The following ROBO1 variants were observed in gnomAD, a reference collection of about 807,000 sequenced individuals.
ROBO1 encodes the protein roundabout guidance receptor 1, also known as roundabout homolog 1.
ROBO1 carries 149 observed loss-of-function variants against 195.9 expected under a neutral mutation model. That is an observed-to-expected ratio of 0.76 (90% CI 0.67 to 0.87). The LOEUF is 0.87. ROBO1 is among the 40% of genes least tolerant of loss of function. ROBO1 has a pLI of 0.00. For missense variants in ROBO1, 1,933 were observed against 2,068.3 expected (o/e 0.93, Z 1.27); for synonymous variants, 816 against 733.2 (o/e 1.11, Z -1.82).
chr3:78,835,853 C>CT (rs2032664264), intron 4 of ROBO1, among the ~76,000 whole-genome samples: 1 of 152,122 alleles, frequency 6.6e-6, no homozygotes, highest in South Asian at 2.1e-4. Context: ...ATTAATGGTA[C>CT]TGTTAGGGCT....
chr3:79,019,917 C>G (rs147396533), intron 3 of ROBO1, among the ~76,000 whole-genome samples: 1 of 152,186 alleles, frequency 6.6e-6, no homozygotes, highest in African/African-American at 2.4e-5. Context: ...AAACAGAGAA[C>G]TATCCAGAAC....
intron 3 of ROBO1, among the ~76,000 whole-genome samples, chr3:78,967,983 C>G (rs754724494): frequency 1.3e-5 from 2 of 152,054 alleles, no homozygotes; most frequent in Non-Finnish European, 1.5e-5. Context: ...GAGATTAGAA[C>G]GGCAAACAAA....
At chr3:79,505,370 A>G (rs985694670) in intron 2 of ROBO1, among the ~76,000 whole-genome samples, 21 of 152,294 alleles carry the variant, frequency 1.4e-4, no homozygotes, top group African/African-American at 4.8e-4. Context: ...TAAATTGCCA[A>G]ATTGCGACAA....
At chr3:78,939,927 C>G (rs2040043454) in intron 3 of ROBO1, among the ~76,000 whole-genome samples, 1 of 151,998 alleles carries the variant, frequency 6.6e-6, no homozygotes, top group African/African-American at 2.4e-5. Flanking sequence ...CCCTGAGTGT[C>G]TATGTCACTT....
At chr3:79,468,996 T>C (rs1938120733) in intron 2 of ROBO1, among the ~76,000 whole-genome samples, 1 of 152,142 alleles carries the variant, frequency 6.6e-6, no homozygotes, top group Non-Finnish European at 1.5e-5. Flanking sequence ...CATAAAAAAA[T>C]GTATTTGGCA....
At chr3:78,821,161 ATTTT>A (rs71631622) in intron 4 of ROBO1, among the ~76,000 whole-genome samples, 2 of 122,212 alleles carry the variant, frequency 1.6e-5, no homozygotes, top group East Asian at 4.6e-4. Context: ...TATGATACTG[ATTTT>A]TTTTTTTTTT....
chr3:78,801,919 T>G (rs1250727498), intron 4 of ROBO1, among the ~76,000 whole-genome samples: 3 of 152,156 alleles, frequency 2.0e-5, no homozygotes, highest in Admixed American at 6.5e-5. Flanking sequence ...TAGGGCTTGT[T>G]GTCCCTGTAG....
chr3:79,322,787 G>T (rs980494446), intron 2 of ROBO1, among the ~76,000 whole-genome samples: 14 of 152,222 alleles, frequency 9.2e-5, no homozygotes, highest in African/African-American at 3.4e-4. Context: ...TTTCAGGAAT[G>T]AAGAAATGGA....
chr3:79,671,139 T>A (rs929901455), intron 1 of ROBO1, among the ~76,000 whole-genome samples: 5 of 151,840 alleles, frequency 3.3e-5, no homozygotes, highest in African/African-American at 1.2e-4. Flanking sequence ...ATACAATGTT[T>A]AAGAGTTACC....
At position 79,458,389 on chromosome 3, in the gene ROBO1, A is replaced by G. The variant is rs532472133; in HGVS notation, c.88+131435T>C. ...TGTTTTCTACTTCTTATGAAACACA[A>G]TGCTTTCTCCCCAGCATGTCTTGTT... On this transcript the variant is annotated intron_variant, in intron 2 of 30. Transcript: ENST00000464233. 8.5e-5 allele frequency among the ~76,000 whole-genome samples: 13 copies of G among 152,292 alleles called. No individual in the cohort carries two copies. The South Asian group carries it at 2.7e-3, about 32-fold the overall frequency.
chr3:79,333,203 T>C (rs2034522539), intron 2 of ROBO1, among the ~76,000 whole-genome samples: 1 of 141,678 alleles, frequency 7.1e-6, no homozygotes, highest in Non-Finnish European at 1.5e-5. Flanking sequence ...TGAGACTCTG[T>C]CTAAAAAAAA....
intron 3 of ROBO1, among the ~76,000 whole-genome samples, chr3:79,001,847 T>C (rs191707356): frequency 1.3e-5 from 2 of 152,272 alleles, no homozygotes; most frequent in Admixed American, 1.3e-4. Context: ...AAATAATCAA[T>C]ATTAAGGATA....
chr3:79,054,887 C>T (rs781124807), intron 3 of ROBO1, among the ~76,000 whole-genome samples: 6 of 152,098 alleles, frequency 3.9e-5, no homozygotes, highest in South Asian at 2.1e-4. Context: ...CCACTTCAGG[C>T]GGTCCCAACG....
chr3:79,220,145 C>A (rs2108823131), intron 2 of ROBO1, among the ~76,000 whole-genome samples: 1 of 152,128 alleles, frequency 6.6e-6, no homozygotes, highest in African/African-American at 2.4e-5. Context: ...TAATACAAAT[C>A]TGGCATTATT....
At chr3:79,551,812 C>T (rs762991909) in intron 2 of ROBO1, among the ~76,000 whole-genome samples, 41 of 151,496 alleles carry the variant, frequency 2.7e-4, no homozygotes, top group Non-Finnish European at 5.2e-4. Context: ...GATGATCTTA[C>T]CAAGTCTCTC....
At chr3:79,274,266 A>G (rs1219279040) in intron 2 of ROBO1, among the ~76,000 whole-genome samples, 1 of 151,918 alleles carries the variant, frequency 6.6e-6, no homozygotes, top group African/African-American at 2.4e-5. Flanking sequence ...ATGTTAGGCC[A>G]CATTTTTTTT....
At chr3:78,643,180 T>C (rs1559686578) in intron 21 of ROBO1, among the ~76,000 whole-genome samples, 1 of 152,162 alleles carries the variant, frequency 6.6e-6, no homozygotes, top group Non-Finnish European at 1.5e-5. Flanking sequence ...AGTAACATTT[T>C]AAGGCTTCCC....
At chr3:78,926,475 T>A (rs1195822499) in intron 4 of ROBO1, among the ~76,000 whole-genome samples, 1 of 151,884 alleles carries the variant, frequency 6.6e-6, no homozygotes, top group Non-Finnish European at 1.5e-5. Context: ...GGAAAGAAAG[T>A]CGGGAAGAAT....
At chr3:79,376,182 CAT>C (rs1220575568) in intron 2 of ROBO1, among the ~76,000 whole-genome samples, 3 of 152,174 alleles carry the variant, frequency 2.0e-5, no homozygotes, top group African/African-American at 7.2e-5. Flanking sequence ...CATTGGAAAT[CAT>C]GTGAAAATTA....
Sources: gnomAD v4.1 joint callset for allele counts (sites outside exome capture counted in the v4.1 genomes callset) on GRCh38, gnomAD v4.1.1 for gene constraint, MANE v1.5 for transcripts, NCBI Gene and HGNC (gene_info 2026-07-23, HGNC 2026-07-21) for gene names.